The following LARP4B variants were observed in gnomAD, a reference collection of about 807,000 sequenced individuals.
LARP4B encodes the protein la-related protein 4B.
Under a neutral mutation model 89.8 loss-of-function variants are expected in LARP4B, and 12 were observed. The observed-to-expected ratio is 0.13, with a 90% CI of 0.09 to 0.22. The LOEUF (loss-of-function observed/expected upper bound fraction) is 0.22. Among genes scored for constraint, LARP4B ranks in the 10% least tolerant of loss-of-function variants. The pLI is 1.00. For missense variants in LARP4B, 757 were observed against 947.7 expected, an observed-to-expected ratio of 0.80 and a Z score of 2.64; for synonymous variants, 367 against 363.3, an observed-to-expected ratio of 1.01 and a Z score of -0.12.
chr10:924,936 C>T (rs1292319588), intron 1 of LARP4B, among the ~76,000 whole-genome samples: 2 of 152,202 alleles, frequency 1.3e-5, no homozygotes, highest in South Asian at 2.1e-4. Context: ...TAGGTTCATA[C>T]TGAGGAGCAA....
intron 1 of LARP4B, among the ~76,000 whole-genome samples, chr10:897,987 C>CAAAAAAAAAAAAAAAAA (rs58452748): frequency 3.9e-5 from 1 of 25,626 alleles, no homozygotes; most frequent in African/African-American, 1.8e-4. Context: ...GGCTCCATCT[C>CAAAAAAAAAAAAAAAAA]AAAAAAAAAA....
chr10:922,088 G>T (rs1419606113), intron 1 of LARP4B, among the ~76,000 whole-genome samples: 2 of 152,168 alleles, frequency 1.3e-5, no homozygotes, highest in African/African-American at 2.4e-5. Flanking sequence ...GTCAGGGGGT[G>T]GGGGGTGGTG....
At chr10:889,253 C>T (rs1259069963) in intron 1 of LARP4B, among the ~76,000 whole-genome samples, 2 of 152,118 alleles carry the variant, frequency 1.3e-5, no homozygotes, top group Non-Finnish European at 2.9e-5. Flanking sequence ...TTGATTCATT[C>T]ATTTCTCAAC....
At chr10:958,245 T>C in the LARP4B span, among the ~76,000 whole-genome samples, 1 of 152,176 alleles carries the variant, frequency 6.6e-6, no homozygotes, top group Non-Finnish European at 1.5e-5. Flanking sequence ...GGTCAGCTGC[T>C]CCCTGGCTTA....
chr10:932,750 A>G (rs1338555575), upstream of LARP4B, among the ~76,000 whole-genome samples: 1 of 112,680 alleles, frequency 8.9e-6, no homozygotes, highest in Non-Finnish European at 1.8e-5. Flanking sequence ...ACCTGAGACG[A>G]AGGTCCCGGC....
chr10:965,562 T>C, the LARP4B span, among the ~76,000 whole-genome samples: 2 of 152,054 alleles, frequency 1.3e-5, no homozygotes, highest in African/African-American at 2.4e-5. Context: ...TATTTGTATA[T>C]AAGCAGAAAC....
At chr10:909,404 A>G (rs564770640) in intron 1 of LARP4B, among the ~76,000 whole-genome samples, 15 of 152,236 alleles carry the variant, frequency 9.9e-5, no homozygotes, top group African/African-American at 3.4e-4. Flanking sequence ...ACACCTGCAG[A>G]CCAGAATTGT....
downstream of LARP4B, chr10:806,955 A>T (rs915047867): frequency 5.9e-5 from 9 of 152,402 alleles, no homozygotes; most frequent in African/African-American, 2.2e-4. Flanking sequence ...CGCAACAGTT[A>T]GAAGACTGAG....
At chr10:908,613 C>CT (rs1836565147) in intron 1 of LARP4B, among the ~76,000 whole-genome samples, 1 of 152,210 alleles carries the variant, frequency 6.6e-6, no homozygotes, top group Non-Finnish European at 1.5e-5. Flanking sequence ...TGCTGTAAAA[C>CT]TGATTGGTTG....
At position 835,916 on chromosome 10, in the gene LARP4B, G is replaced by A. The variant is rs867457684; in HGVS notation, c.750+487C>T. Among the ~76,000 whole-genome samples the A allele has an allele frequency of 4.0e-3, 591 of 149,616 alleles. 6 individuals carry two copies. Among genetic ancestry groups the A allele is most frequent in the African/African-American group, 0.014 (556 of 40,666 alleles). On this transcript the variant is annotated intron_variant, in intron 8 of 17. Coordinates refer to ENST00000316157, the MANE Select transcript of LARP4B (RefSeq NM_015155.3). ...CCACTGCACTCCAGCCTGGGCAACA[G>A]AGCAAGACTCCATCTCAAAAAAAAA...
At chr10:881,863 C>CA (rs1835679699) in intron 3 of LARP4B, among the ~76,000 whole-genome samples, 1 of 152,196 alleles carries the variant, frequency 6.6e-6, no homozygotes, top group Non-Finnish European at 1.5e-5. Flanking sequence ...ACGTGTATCT[C>CA]ACGCTCATCT....
At chr10:973,134 AG>A in the LARP4B span, 1 of 353,698 alleles carries the variant, frequency 2.8e-6, no homozygotes, top group South Asian at 2.2e-5. Flanking sequence ...CTGGTGATGG[AG>A]GGGGATGTGC....
chr10:809,286 G>A (rs1270169021), downstream of LARP4B: 1 of 152,228 alleles, frequency 6.6e-6, no homozygotes, highest in Non-Finnish European at 1.5e-5. Flanking sequence ...TATTTTTGCA[G>A]TACATCTTGG....
chr10:861,825 T>C (rs1174472631), intron 5 of LARP4B, among the ~76,000 whole-genome samples: 2 of 152,232 alleles, frequency 1.3e-5, no homozygotes, highest in Non-Finnish European at 2.9e-5. Context: ...TCATTTCAAT[T>C]TAGTCTGAAA....
chr10:818,833 A>G (rs1384910342), intron 14 of LARP4B: 1 of 152,236 alleles, frequency 6.6e-6, no homozygotes, highest in African/African-American at 2.4e-5. Flanking sequence ...GAAAGTGCCA[A>G]TGTTTCTCCA....
At chr10:907,410 G>C (rs547862691) in intron 1 of LARP4B, among the ~76,000 whole-genome samples, 1 of 152,268 alleles carries the variant, frequency 6.6e-6, no homozygotes, top group Non-Finnish European at 1.5e-5. Flanking sequence ...AAATTACTTT[G>C]AGTTAATTTT....
chr10:815,740 T>G (rs1442077297), intron 15 of LARP4B: 1 of 152,240 alleles, frequency 6.6e-6, no homozygotes. Flanking sequence ...GATGATACAC[T>G]TGTCATGCAA....
chr10:885,825 T>C (rs1243693549), intron 1 of LARP4B, 65 bp from the exon 2 acceptor site: 4 of 820,872 alleles, frequency 4.9e-6, no homozygotes, highest in Non-Finnish European at 7.6e-6. Flanking sequence ...TTAAATAAAA[T>C]TAAAATCCTC....
chr10:934,288 A>G (rs1170322722), upstream of LARP4B, among the ~76,000 whole-genome samples: 1 of 151,938 alleles, frequency 6.6e-6, no homozygotes, highest in Non-Finnish European at 1.5e-5. Flanking sequence ...CCCAAGGCCA[A>G]GAGTTCAAGA....
Sources: gnomAD v4.1 joint callset for allele counts (sites outside exome capture counted in the v4.1 genomes callset) on GRCh38, gnomAD v4.1.1 for gene constraint, MANE v1.5 for transcripts, NCBI Gene and HGNC (gene_info 2026-07-23, HGNC 2026-07-21) for gene names.